Variants in CFDP1 observed in about 807,000 individuals in gnomAD.
The protein encoded by CFDP1 is chromatin remodeling protein CFDP1, also known as heterochromatin-stabilizing protein CFDP1.
Under a neutral mutation model 40.1 loss-of-function variants are expected in CFDP1, and 31 were observed. That is an observed-to-expected ratio of 0.77 (90% CI 0.58 to 1.04). The LOEUF (loss-of-function observed/expected upper bound fraction) is 1.04. Ranked by LOEUF, CFDP1 falls within the 50% of genes least tolerant of loss-of-function variation. The pLI is 0.00. For synonymous variants in CFDP1, 167 were observed against 120.0 expected (o/e 1.39, Z -2.56); for missense variants, 423 against 343.4 (o/e 1.23, Z -1.83).
intron 5 of CFDP1, among the ~76,000 whole-genome samples, chr16:75,315,920 A>G (rs1424734429): frequency 6.6e-6 from 1 of 152,168 alleles, no homozygotes; most frequent in African/African-American, 2.4e-5. Flanking sequence ...AATGCATCAC[A>G]TTTCAAAGTT....
At chr16:75,400,796 A>C (rs967100502) in intron 4 of CFDP1, among the ~76,000 whole-genome samples, 4 of 152,254 alleles carry the variant, frequency 2.6e-5, no homozygotes, top group Admixed American at 2.6e-4. Context: ...TTATACCAGT[A>C]AGAAATAATG....
intron 5 of CFDP1, among the ~76,000 whole-genome samples, chr16:75,392,697 C>T (rs1318912531): frequency 6.6e-6 from 1 of 152,128 alleles, no homozygotes; most frequent in Non-Finnish European, 1.5e-5. Flanking sequence ...GGGGTTTCAC[C>T]ATGTTGGCCA....
chr16:75,352,273 G>A (rs2078618136), intron 5 of CFDP1, among the ~76,000 whole-genome samples: 1 of 151,478 alleles, frequency 6.6e-6, no homozygotes, highest in South Asian at 2.1e-4. Context: ...CCCAGGAGAC[G>A]GAGGTTGCAG....
intron 1 of CFDP1, among the ~76,000 whole-genome samples, chr16:75,424,151 C>T (rs951432452): frequency 7.2e-5 from 11 of 152,288 alleles, no homozygotes; most frequent in Middle Eastern, 3.4e-3. Flanking sequence ...CAGAGGGGAA[C>T]TTATCTAACA....
intron 5 of CFDP1, among the ~76,000 whole-genome samples, chr16:75,361,490 G>A (rs1021650945): frequency 2.6e-5 from 4 of 151,984 alleles, no homozygotes; most frequent in African/African-American, 9.7e-5. Context: ...GGTGCCGCAC[G>A]CCTGTAATCC....
chr16:75,301,338 T>C (rs1476130041), intron 6 of CFDP1, among the ~76,000 whole-genome samples: 1 of 152,048 alleles, frequency 6.6e-6, no homozygotes, highest in African/African-American at 2.4e-5. Context: ...GCAAGGGCAA[T>C]GAATCATTAT....
rs929621982 is a variant in CFDP1, at chr16:75,299,836, C to T, written c.809+5188G>A. On this transcript the variant is annotated intron_variant, in intron 6 of 6. Transcript: ENST00000283882. ...GTAAGTGTCACGGAGAAAATCAAAC[C>T]GGGTAGTGTGACTGAGGGTTCCTTG... 2.6e-5 allele frequency among the ~76,000 whole-genome samples: 4 copies of T among 152,000 alleles called. No individual in the cohort carries two copies. In the East Asian group the frequency reaches 5.8e-4, roughly 22 times the overall value.
intron 1 of CFDP1, among the ~76,000 whole-genome samples, chr16:75,426,103 C>G (rs2079340168): frequency 7.5e-6 from 1 of 132,936 alleles, no homozygotes; most frequent in African/African-American, 2.9e-5. Flanking sequence ...ATAATCCCAA[C>G]ACTTTGGGAG....
chr16:75,417,694 T>G (rs1033074213), intron 1 of CFDP1, among the ~76,000 whole-genome samples: 1 of 152,212 alleles, frequency 6.6e-6, no homozygotes. Flanking sequence ...ATTCAAAAGT[T>G]TGAATAAATA....
intron 4 of CFDP1, chr16:75,406,596 G>A (rs1370894214): frequency 6.6e-6 from 1 of 152,198 alleles, no homozygotes; most frequent in East Asian, 1.9e-4. Flanking sequence ...AGCTACTCGG[G>A]AGGCTGAGGC....
chr16:75,346,568 G>C (rs1283080775), intron 5 of CFDP1, among the ~76,000 whole-genome samples: 4 of 105,608 alleles, frequency 3.8e-5, no homozygotes, highest in Non-Finnish European at 7.1e-5. Context: ...GGGTGACAGA[G>C]CAAGACTCTG....
intron 5 of CFDP1, among the ~76,000 whole-genome samples, chr16:75,366,264 G>C (rs1309766378): frequency 7.0e-6 from 1 of 143,770 alleles, no homozygotes; most frequent in Non-Finnish European, 1.5e-5. Context: ...CAGTTGTCCA[G>C]AACTGCTCAG....
rs748081401 is a variant in CFDP1, at chr16:75,346,582, C to CAAAAAAAAAAAAAAA, written c.651-41415_651-41401dup. ...TGGGTGACAGAGCAAGACTCTGTCT[C>CAAAAAAAAAAAAAAA]AAAAAAAAAAAAAAAAAAAAAAAAA... On this transcript the variant is annotated intron_variant, in intron 5 of 6. Coordinates refer to ENST00000283882, the MANE Select transcript of CFDP1 (RefSeq NM_006324.3). 6.7e-4 allele frequency among the ~76,000 whole-genome samples: 40 copies of CAAAAAAAAAAAAAAA among 59,346 alleles called. 1 individual carries two copies. The highest frequency in any genetic ancestry group is 1.2e-3 in the East Asian group (2 of 1,666). 38.9% of individuals were successfully genotyped at this position (59,346 alleles called of 152,430 possible).
chr16:75,326,642 C>T (rs1265310949), intron 5 of CFDP1, among the ~76,000 whole-genome samples: 1 of 152,176 alleles, frequency 6.6e-6, no homozygotes, highest in Non-Finnish European at 1.5e-5. Flanking sequence ...ACTGGTGCTT[C>T]TTACTGCTGG....
At chr16:75,307,830 G>C (rs1362713433) in intron 5 of CFDP1, among the ~76,000 whole-genome samples, 1 of 152,166 alleles carries the variant, frequency 6.6e-6, no homozygotes, top group African/African-American at 2.4e-5. Context: ...GAAGTACTGG[G>C]ATTATAGGCA....
At chr16:75,404,035 G>A (rs953039789) in intron 4 of CFDP1, among the ~76,000 whole-genome samples, 26 of 151,628 alleles carry the variant, frequency 1.7e-4, no homozygotes, top group Non-Finnish European at 3.1e-4. Context: ...GGGAGGCTAA[G>A]GCAGGAGAAT....
chr16:75,356,349 T>C (rs939664735), intron 5 of CFDP1, among the ~76,000 whole-genome samples: 3 of 152,214 alleles, frequency 2.0e-5, no homozygotes, highest in African/African-American at 7.2e-5. Context: ...TTAATCTTCT[T>C]GTACACATCC....
chr16:75,432,074 G>T (rs549906558), intron 1 of CFDP1, among the ~76,000 whole-genome samples: 2 of 151,386 alleles, frequency 1.3e-5, no homozygotes, highest in African/African-American at 2.4e-5. Flanking sequence ...ACCATGCCCA[G>T]CTAATTTTTG....
chr16:75,352,139 G>A (rs2078617207), intron 5 of CFDP1, among the ~76,000 whole-genome samples: 3 of 151,550 alleles, frequency 2.0e-5, no homozygotes, highest in Admixed American at 1.3e-4. Context: ...TCAGGAGTTT[G>A]AGACCAGCCT....
Sources: gnomAD v4.1 joint callset for allele counts (sites outside exome capture counted in the v4.1 genomes callset) on GRCh38, gnomAD v4.1.1 for gene constraint, MANE v1.5 for transcripts, NCBI Gene and HGNC (gene_info 2026-07-23, HGNC 2026-07-21) for gene names.